The following KCND2 variants were observed in gnomAD, a reference collection of about 807,000 sequenced individuals.
KCND2 encodes potassium voltage-gated channel subfamily D member 2, also known as A-type voltage-gated potassium channel KCND2.
KCND2 carries 16 observed loss-of-function variants against 54.4 expected under a neutral mutation model. The ratio of observed to expected loss-of-function variants is 0.29; its 90% CI spans 0.20 to 0.45. KCND2 has a LOEUF of 0.45. Ranked by LOEUF, KCND2 falls within the 20% of genes least tolerant of loss-of-function variation. The pLI, the probability that KCND2 is intolerant of heterozygous loss-of-function variation, is 1.00. For missense variants in KCND2, 486 were observed against 824.2 expected, an observed-to-expected ratio of 0.59 and a Z score of 5.02; for synonymous variants, 317 against 310.7, an observed-to-expected ratio of 1.02 and a Z score of -0.21.
chr7:120,720,719 C>T (rs763799840), intron 1 of KCND2, among the ~76,000 whole-genome samples: 1 of 152,188 alleles, frequency 6.6e-6, no homozygotes, highest in Non-Finnish European at 1.5e-5. Context: ...TGAAAAACTT[C>T]CTCCTCCCTT....
At chr7:120,625,149 AG>A (rs1254816259) in intron 1 of KCND2, among the ~76,000 whole-genome samples, 1 of 152,200 alleles carries the variant, frequency 6.6e-6, no homozygotes, top group African/African-American at 2.4e-5. Flanking sequence ...ACCGAGGAGT[AG>A]GCCTCATAAG....
At chr7:120,605,970 GT>G (rs952569986) in intron 1 of KCND2, among the ~76,000 whole-genome samples, 3 of 152,102 alleles carry the variant, frequency 2.0e-5, no homozygotes, top group African/African-American at 7.2e-5. Flanking sequence ...ATGGGGACGG[GT>G]TTTTTCTGTG....
chr7:120,694,066 T>C (rs1313862872), intron 1 of KCND2, among the ~76,000 whole-genome samples: 1 of 152,140 alleles, frequency 6.6e-6, no homozygotes, highest in African/African-American at 2.4e-5. Context: ...TAAAAGAAAA[T>C]AGACAAAAAG....
At chr7:120,709,019 T>A (rs1792504885) in intron 1 of KCND2, among the ~76,000 whole-genome samples, 3 of 152,040 alleles carry the variant, frequency 2.0e-5, no homozygotes, top group Admixed American at 2.0e-4. Context: ...CAAATCAAAT[T>A]CTCTGTGTAT....
intron 1 of KCND2, among the ~76,000 whole-genome samples, chr7:120,383,219 C>A (rs1800937800): frequency 6.6e-6 from 1 of 151,906 alleles, no homozygotes; most frequent in Non-Finnish European, 1.5e-5. Flanking sequence ...TTTCCTCTTT[C>A]TTTTTGCTCT....
chr7:120,595,531 G>GTA (rs1403973054), intron 1 of KCND2, among the ~76,000 whole-genome samples: 1 of 141,242 alleles, frequency 7.1e-6, no homozygotes, highest in African/African-American at 2.6e-5. Context: ...ATATATATGT[G>GTA]TATATATATG....
chr7:120,403,849 ATTC>A (rs1400071040), intron 1 of KCND2, among the ~76,000 whole-genome samples: 1 of 152,076 alleles, frequency 6.6e-6, no homozygotes, highest in Non-Finnish European at 1.5e-5. Context: ...TAGAAATTTA[ATTC>A]TTCTTCTGCC....
chr7:120,326,026 G>T (rs1799968913), intron 1 of KCND2, among the ~76,000 whole-genome samples: 1 of 152,010 alleles, frequency 6.6e-6, no homozygotes, highest in Admixed American at 6.6e-5. Context: ...ATGAGAAGTG[G>T]TTGGGCTCAC....
chr7:120,513,107 G>A (rs1334235008), intron 1 of KCND2, among the ~76,000 whole-genome samples: 1 of 151,932 alleles, frequency 6.6e-6, no homozygotes, highest in African/African-American at 2.4e-5. Context: ...CCTTCTTCAA[G>A]GTTTCTTCAC....
chr7:120,543,886 A>G (rs1432632672), intron 1 of KCND2, among the ~76,000 whole-genome samples: 2 of 151,982 alleles, frequency 1.3e-5, no homozygotes, highest in African/African-American at 4.8e-5. Flanking sequence ...TAAGAACCCA[A>G]ATTTTCAGCA....
intron 1 of KCND2, among the ~76,000 whole-genome samples, chr7:120,653,047 G>C (rs1298191941): frequency 6.6e-6 from 1 of 151,926 alleles, no homozygotes; most frequent in Non-Finnish European, 1.5e-5. Context: ...GTGTGTGTAA[G>C]ATCAGGTCTC....
chr7:120,394,068 T>C (rs904039343), intron 1 of KCND2, among the ~76,000 whole-genome samples: 5 of 151,984 alleles, frequency 3.3e-5, no homozygotes, highest in Non-Finnish European at 5.9e-5. Context: ...GGGCTTGTAG[T>C]GTAATCATCC....
At chr7:120,567,458 G>A (rs1000040078) in intron 1 of KCND2, among the ~76,000 whole-genome samples, 1 of 152,176 alleles carries the variant, frequency 6.6e-6, no homozygotes. Context: ...GGAGCCAAAT[G>A]AACATAAATT....
At chr7:120,312,135 G>A (rs193227337) in intron 1 of KCND2, among the ~76,000 whole-genome samples, 27 of 152,210 alleles carry the variant, frequency 1.8e-4, no homozygotes, top group African/African-American at 6.3e-4. Context: ...TCAAACTCCT[G>A]ACCTCAGATG....
intron 1 of KCND2, among the ~76,000 whole-genome samples, chr7:120,308,352 A>G (rs1799678833): frequency 6.6e-6 from 1 of 152,102 alleles, no homozygotes; most frequent in Non-Finnish European, 1.5e-5. Context: ...GTTTACTGAA[A>G]TAGTTCCAAG....
intron 1 of KCND2, among the ~76,000 whole-genome samples, chr7:120,625,793 A>G (rs1793157176): frequency 6.6e-6 from 1 of 152,092 alleles, no homozygotes; most frequent in African/African-American, 2.4e-5. Context: ...AAAGAACAAT[A>G]ATAAGAAACT....
At chr7:120,591,487 T>C (rs1220095555) in intron 1 of KCND2, among the ~76,000 whole-genome samples, 1 of 152,194 alleles carries the variant, frequency 6.6e-6, no homozygotes, top group Non-Finnish European at 1.5e-5. Context: ...CACAAGACTG[T>C]GTTAGGATAA....
At chr7:120,675,959 G>A (rs1323137387) in intron 1 of KCND2, among the ~76,000 whole-genome samples, 1 of 150,518 alleles carries the variant, frequency 6.6e-6, no homozygotes, top group African/African-American at 2.5e-5. Flanking sequence ...TTGAATTGGA[G>A]CAATTCTTAT....
At chr7:120,353,145 T>A (rs1442764261) in intron 1 of KCND2, among the ~76,000 whole-genome samples, 4 of 146,956 alleles carry the variant, frequency 2.7e-5, no homozygotes, top group Non-Finnish European at 6.0e-5. Context: ...TTTTTTTTTT[T>A]TTTTTTTTTT....
Sources: gnomAD v4.1 joint callset for allele counts (sites outside exome capture counted in the v4.1 genomes callset) on GRCh38, gnomAD v4.1.1 for gene constraint, MANE v1.5 for transcripts, NCBI Gene and HGNC (gene_info 2026-07-23, HGNC 2026-07-21) for gene names.